The following SNAP47 variants were observed in gnomAD, a reference collection of about 807,000 sequenced individuals.
SNAP47 encodes synaptosomal-associated protein 47.
Under a neutral mutation model 31.4 loss-of-function variants are expected in SNAP47, and 20 were observed. The observed-to-expected ratio is 0.64, with a 90% confidence interval of 0.45 to 0.93. The LOEUF (loss-of-function observed/expected upper bound fraction) is 0.93, where lower values mean the gene tolerates loss of function less well. SNAP47 is among the 40% of genes least tolerant of loss of function. The pLI is 0.00. For synonymous variants in SNAP47, 194 were observed against 213.4 expected, an observed-to-expected ratio of 0.91 and a Z score of 0.79; for missense variants, 492 against 528.5, an observed-to-expected ratio of 0.93 and a Z score of 0.68.
chr1:227,734,942 G>A (rs535479654), upstream of SNAP47: 124 of 1,500,714 alleles, frequency 8.3e-5, 2 homozygotes, highest in South Asian at 1.5e-3. Context: ...CCCTCTCTAG[G>A]CGGGGGCCTC....
intron 3 of SNAP47, among the ~76,000 whole-genome samples, chr1:227,761,755 T>C (rs1663077858): frequency 6.6e-6 from 1 of 152,074 alleles, no homozygotes; most frequent in Admixed American, 6.5e-5. Context: ...GTTTGTGACA[T>C]TCTGTGGAGT....
chr1:227,732,130 CA>C, upstream of SNAP47: 2 of 564,810 alleles, frequency 3.5e-6, no homozygotes, highest in Non-Finnish European at 6.3e-6. Flanking sequence ...GCAGGGCCCC[CA>C]AAAGAGCCAG....
chr1:227,758,238 G>A (rs1662813001), intron 2 of SNAP47, among the ~76,000 whole-genome samples: 2 of 152,168 alleles, frequency 1.3e-5, no homozygotes, highest in African/African-American at 4.8e-5. Flanking sequence ...GCAGTCTGCA[G>A]AAGCTGGGGA....
chr1:227,736,159 A>C (rs147462770), intron 1 of SNAP47: 1 of 147,416 alleles, frequency 6.8e-6, no homozygotes, highest in African/African-American at 2.5e-5. Flanking sequence ...GGAGGGCTGG[A>C]GGGGGCAGGG....
chr1:227,730,734 C>G (rs375845511), upstream of SNAP47: 150 of 152,400 alleles, frequency 9.8e-4, no homozygotes, highest in African/African-American at 3.5e-3. Context: ...GACCAAGCAG[C>G]CTGGATGGTA....
At position 227,741,006 on chromosome 1, in the gene SNAP47, C is replaced by G. The variant is rs1163904989; in HGVS notation, c.-46+5507C>G. Among the ~76,000 whole-genome samples the G allele has an allele frequency of 7.0e-6, 1 of 143,410 alleles. No individual in the cohort carries two copies. Among genetic ancestry groups the G allele is most frequent in the African/African-American group, 2.8e-5 (1 of 35,556 alleles). 94.1% of individuals were successfully genotyped at this position (143,410 alleles called of 152,430 possible). Reference sequence around the variant, plus strand: ...TGCCTGTTAGGGTCAGGGACAGATGCCCAGCGGGTGATAGGGGAGGGCCTG... The same window carrying G: ...TGCCTGTTAGGGTCAGGGACAGATGGCCAGCGGGTGATAGGGGAGGGCCTG... On this transcript the variant is annotated intron_variant, in intron 1 of 4. Transcript: ENST00000617596. This position sits in a 1 kb window ranked among gnomAD's most constrained non-coding sequence, Gnocchi z 4.2.
intron 2 of SNAP47, among the ~76,000 whole-genome samples, chr1:227,756,027 G>T (rs1269701813): frequency 6.6e-6 from 1 of 152,246 alleles, no homozygotes; most frequent in Non-Finnish European, 1.5e-5. Flanking sequence ...CCAATGCATT[G>T]ATTGATGTCT....
intron 2 of SNAP47, among the ~76,000 whole-genome samples, chr1:227,754,482 G>C (rs1283547226): frequency 6.6e-6 from 1 of 152,142 alleles, no homozygotes; most frequent in Non-Finnish European, 1.5e-5. Context: ...CAGGGACCAC[G>C]CCCTCCTCTA....
chr1:227,752,971 G>C (rs1662471595), intron 2 of SNAP47, among the ~76,000 whole-genome samples: 1 of 152,200 alleles, frequency 6.6e-6, no homozygotes, highest in South Asian at 2.1e-4. Flanking sequence ...CCCAGAGTGA[G>C]TTGTTGGTTC....
intron 2 of SNAP47, among the ~76,000 whole-genome samples, chr1:227,752,056 C>T (rs564090272): frequency 1.6e-4 from 24 of 152,182 alleles, no homozygotes; most frequent in South Asian, 1.5e-3. Flanking sequence ...TGAACCACCG[C>T]GCCCGGCCAA....
In SNAP47 at chr1:227,745,607, G is replaced by C. The variant is rs139753512; in HGVS notation, c.-45-2085G>C. ...AGACGGCTTCTACCTTCCTGTAGGA[G>C]GCCCCAGCCTTGATGGTCTCAGCTG... On this transcript the variant is annotated intron_variant, in intron 1 of 4. Transcript: ENST00000617596. Among the ~76,000 whole-genome samples the C allele has an allele frequency of 5.1e-3, 779 of 152,230 alleles. 9 individuals carry two copies. The highest frequency in any genetic ancestry group is 0.018 in the African/African-American group (752 of 41,532).
In SNAP47 at chr1:227,751,847, T is replaced by C. The variant is rs1662392109; in HGVS notation, c.497+3614T>C. 2.4e-5 allele frequency among the ~76,000 whole-genome samples: 3 copies of C among 127,200 alleles called. No homozygotes were observed. In the Admixed American group the frequency reaches 3.0e-4, roughly 13 times the overall value. The allele number at this position is 127,200 out of a possible 152,430, so 83.4% of individuals were successfully genotyped here. A position where few individuals can be genotyped will look rare whatever the true frequency, so the allele number is the denominator to read the frequency against. The stretch of plus-strand genomic sequence containing the variant: ...GGCGCGATCTCTGCTCACTGCAAAC[T>C]CCGCCTCCCGGGTTCCTGCCATTCT... On this transcript the variant is annotated intron_variant, in intron 2 of 4. Coordinates refer to ENST00000617596, the MANE Select transcript of SNAP47 (RefSeq NM_053052.4).
intron 2 of SNAP47, among the ~76,000 whole-genome samples, chr1:227,750,192 A>G (rs1167894520): frequency 1.3e-5 from 2 of 152,240 alleles, no homozygotes; most frequent in African/African-American, 2.4e-5. Flanking sequence ...GCCCCCGACA[A>G]TCCCAGCTCT....
intron 4 of SNAP47, among the ~76,000 whole-genome samples, chr1:227,772,629 T>C (rs1663895861): frequency 6.6e-6 from 1 of 152,182 alleles, no homozygotes; most frequent in African/African-American, 2.4e-5. Context: ...TCAAGGGAAA[T>C]GCTCTAAGAC....
At chr1:227,732,761 G>T, upstream of SNAP47, 1 of 1,590,158 alleles carries the variant, frequency 6.3e-7, no homozygotes, top group South Asian at 1.1e-5. Flanking sequence ...AGTCCCCAAG[G>T]ACGAAGAAGG....
chr1:227,762,084 G>A lies in SNAP47; in HGVS notation c.988+2599G>A, dbSNP rs927251017. Among the ~76,000 whole-genome samples, 1 of 152,194 alleles carries A rather than the reference G, an allele frequency of 6.6e-6. No individual in the cohort carries two copies. Among genetic ancestry groups the A allele is most frequent in the African/African-American group, 2.4e-5 (1 of 41,454 alleles). ...TCTTTTCACTTGCACAGCTGCACCC[G>A]GCCCGTGGTGTTTTGAGTACCTGGG... On this transcript the variant is annotated intron_variant, in intron 3 of 4. Coordinates refer to ENST00000617596, the MANE Select transcript of SNAP47 (RefSeq NM_053052.4). This position sits in a 1 kb window ranked among gnomAD's most constrained non-coding sequence, Gnocchi z 4.2.
chr1:227,753,572 T>C (rs1662511701), intron 2 of SNAP47, among the ~76,000 whole-genome samples: 1 of 152,194 alleles, frequency 6.6e-6, no homozygotes, highest in Non-Finnish European at 1.5e-5. Flanking sequence ...CGCTGTTAGA[T>C]GCTTCCTTCT....
chr1:227,777,944 A>G (rs550490621), intron 4 of SNAP47, among the ~76,000 whole-genome samples: 1 of 152,356 alleles, frequency 6.6e-6, no homozygotes, highest in South Asian at 2.1e-4. Context: ...CTCTCTGTGA[A>G]ACAGATAAAA....
At chr1:227,744,983 CA>C (rs1260911430) in intron 1 of SNAP47, among the ~76,000 whole-genome samples, 3 of 152,180 alleles carry the variant, frequency 2.0e-5, no homozygotes, top group African/African-American at 7.2e-5. Flanking sequence ...CCTGACTCTG[CA>C]CCTGTATTGT....
Sources: gnomAD v4.1 joint callset for allele counts (sites outside exome capture counted in the v4.1 genomes callset) on GRCh38, gnomAD v4.1.1 for gene constraint, Gnocchi (gnomAD v3.1) non-coding constraint, MANE v1.5 for transcripts, NCBI Gene and HGNC (gene_info 2026-07-23, HGNC 2026-07-21) for gene names.